The following ERCC6L2 variants were observed in gnomAD, a reference collection of about 807,000 sequenced individuals.
ERCC6L2 encodes ERCC excision repair 6 like 2.
Under a neutral mutation model 132.0 loss-of-function variants are expected in ERCC6L2, and 77 were observed. The observed-to-expected ratio is 0.58, with a 90% CI of 0.49 to 0.71. The LOEUF is 0.71. Among genes scored for constraint, ERCC6L2 ranks in the 30% least tolerant of loss-of-function variants. The probability of loss-of-function intolerance (pLI) is 0.00; values close to 1 mark genes in which losing one functional copy is unlikely to be tolerated. For synonymous variants in ERCC6L2, 583 were observed against 632.4 expected (o/e 0.92, Z 1.17); for missense variants, 1,542 against 1,837.6 (o/e 0.84, Z 2.94).
In ERCC6L2 at chr9:95,972,613, A is replaced by C. The variant is rs780024425; in HGVS notation, c.2862A>C (p.Gly954=). ...NSRNTDDKRN[G]IISKKLSPEN... ...GAAACACTGATGACAAAAGAAATGG[A>C]ATAATTTCAAAAAAGTTAAGTCCTG... The change falls in exon 16 of 19, where the codon GGA becomes GGC. Residue 954 remains glycine (G), a synonymous_variant. Coordinates refer to ENST00000653738, the MANE Select transcript of ERCC6L2 (RefSeq NM_020207.7). The C allele has an allele frequency of 1.6e-6, 2 of 1,290,222 alleles. No homozygotes were observed. The highest frequency in any genetic ancestry group is 2.5e-5 in the South Asian group (2 of 80,762). The allele number at this position is 1,290,222 out of a possible 1,614,324, so 79.9% of individuals were successfully genotyped here. A position where few individuals can be genotyped will look rare whatever the true frequency, so the allele number is the denominator to read the frequency against.
At chr9:95,895,172 T>C (rs1828386629) in intron 2 of ERCC6L2, among the ~76,000 whole-genome samples, 1 of 152,218 alleles carries the variant, frequency 6.6e-6, no homozygotes, top group Admixed American at 6.5e-5. Flanking sequence ...TTATTATCAA[T>C]ATTAAGTTAA....
intron 19 of ERCC6L2, among the ~76,000 whole-genome samples, chr9:96,032,103 C>G (rs1834466930): frequency 6.6e-6 from 1 of 152,158 alleles, no homozygotes. Context: ...TCAAAGCTTC[C>G]AGGCTGTGGC....
At chr9:95,880,785 A>C in intron 1 of ERCC6L2, 84 bp from the exon 2 acceptor site, 1 of 1,210,468 alleles carries the variant, frequency 8.3e-7, no homozygotes, top group Non-Finnish European at 1.2e-6. Context: ...TATGTGAGGT[A>C]TATATTGTTT....
chr9:95,886,828 A>G (rs1827893670), intron 2 of ERCC6L2, among the ~76,000 whole-genome samples: 1 of 152,170 alleles, frequency 6.6e-6, no homozygotes, highest in African/African-American at 2.4e-5. Context: ...CCCATCCTTA[A>G]TCTGGCAGGC....
chr9:95,909,744 A>G (rs1829254814), intron 4 of ERCC6L2, among the ~76,000 whole-genome samples: 1 of 152,176 alleles, frequency 6.6e-6, no homozygotes, highest in Admixed American at 6.5e-5. Flanking sequence ...ATTATTATAG[A>G]TAAAACTTCA....
At position 96,025,106 on chromosome 9, in the gene ERCC6L2, T is replaced by C. The variant is rs557748071; in HGVS notation, c.*1504-13770T>C. Among the ~76,000 whole-genome samples, 10 of 152,336 alleles carry C rather than the reference T, an allele frequency of 6.6e-5. No individual in the cohort carries two copies. The East Asian group carries it at 1.9e-3, about 29-fold the overall frequency. ...TTAGGTCTTCTAGAGAAATTTGTCA[T>C]ATCTAGTAGAACTCTTTTGTTGAAA... On this transcript the variant is annotated intron_variant and NMD_transcript_variant, in intron 19 of 20. Coordinates refer to the ERCC6L2 transcript ENST00000670016.
intron 14 of ERCC6L2, chr9:95,968,352 C>A (rs1441156248): frequency 6.6e-6 from 1 of 152,062 alleles, no homozygotes; most frequent in Non-Finnish European, 1.5e-5. Context: ...GCCATCCATG[C>A]CCTACATTTG....
intron 19 of ERCC6L2, among the ~76,000 whole-genome samples, chr9:96,032,020 G>A (rs979278829): frequency 6.6e-6 from 1 of 152,208 alleles, no homozygotes. Context: ...CACGTCATGA[G>A]TCACTGGCAT....
intron 12 of ERCC6L2, among the ~76,000 whole-genome samples, chr9:95,945,403 G>A (rs1389013272): frequency 6.6e-6 from 1 of 152,120 alleles, no homozygotes; most frequent in Non-Finnish European, 1.5e-5. Context: ...AAACACACAT[G>A]CTGTACAAAC....
intron 17 of ERCC6L2, among the ~76,000 whole-genome samples, chr9:95,986,197 A>G (rs1833087461): frequency 6.6e-6 from 1 of 152,200 alleles, no homozygotes. Flanking sequence ...CATATGTACA[A>G]CATGCTTTTG....
intron 6 of ERCC6L2, chr9:95,918,233 T>C: frequency 2.2e-6 from 1 of 448,636 alleles, no homozygotes; most frequent in South Asian, 1.8e-5. Flanking sequence ...GAGATTAAGG[T>C]CACCATTGCA....
chr9:95,888,256 C>G (rs1827982123), intron 2 of ERCC6L2, among the ~76,000 whole-genome samples: 1 of 151,980 alleles, frequency 6.6e-6, no homozygotes, highest in African/African-American at 2.4e-5. Context: ...GGTTTATGCC[C>G]TTTTTCCCAG....
chr9:95,979,797 C>T (rs1289602311), intron 17 of ERCC6L2, among the ~76,000 whole-genome samples: 1 of 152,040 alleles, frequency 6.6e-6, no homozygotes, highest in African/African-American at 2.4e-5. Context: ...AAAAGACAGG[C>T]GGAATTATGT....
At chr9:95,938,035 T>C (rs1830634175) in intron 11 of ERCC6L2, among the ~76,000 whole-genome samples, 1 of 151,996 alleles carries the variant, frequency 6.6e-6, no homozygotes, top group Admixed American at 6.6e-5. Context: ...TATTTCTCCT[T>C]GTATTTTTTT....
downstream of ERCC6L2, among the ~76,000 whole-genome samples, chr9:96,019,347 C>A (rs1045935451): frequency 2.0e-5 from 3 of 152,150 alleles, no homozygotes; most frequent in African/African-American, 7.2e-5. Context: ...CCCCAGCCCC[C>A]TCTGCTTGCC....
intron 12 of ERCC6L2, among the ~76,000 whole-genome samples, chr9:95,942,228 G>A (rs924655647): frequency 6.6e-6 from 1 of 152,112 alleles, no homozygotes; most frequent in Non-Finnish European, 1.5e-5. Context: ...ACATGAAAAA[G>A]GGAAATACAC....
At chr9:95,908,288 G>T (rs930479150) in intron 4 of ERCC6L2, among the ~76,000 whole-genome samples, 1 of 152,062 alleles carries the variant, frequency 6.6e-6, no homozygotes, top group Admixed American at 6.5e-5. Flanking sequence ...AGGCTGATTG[G>T]GTGGGGCCTG....
In ERCC6L2 at chr9:95,972,175, T is replaced by C; in HGVS notation, c.2424T>C (p.Asp808=). 7.7e-7 allele frequency: 1 copy of C among 1,304,240 alleles called. No homozygotes were observed. Among genetic ancestry groups the C allele is most frequent in the Non-Finnish European group, 1.0e-6 (1 of 988,946 alleles). The allele number at this position is 1,304,240 out of a possible 1,614,324, so 80.8% of individuals were successfully genotyped here. The stretch of plus-strand genomic sequence containing the variant: ...AAACAAAATGTAAAGCAGTTGAGGA[T>C]AGTGATGGAAATACTGCCTCTGATG... ...LLETKCKAVE[D]SDGNTASDDE... is the part of the protein sequence containing the mutation. The change falls in exon 16 of 19, where the codon GAT becomes GAC. Residue 808 remains aspartate, a synonymous_variant. Transcript: ENST00000653738.
At position 96,012,643 on chromosome 9, in the gene ERCC6L2, C is replaced by G. The variant is rs139274415; in HGVS notation, c.4093C>G (p.Gln1365Glu). The G allele has an allele frequency of 3.1e-5, 42 of 1,367,414 alleles. No homozygotes were observed. The highest frequency in any genetic ancestry group is 3.9e-5 in the Non-Finnish European group (40 of 1,021,822). The allele number at this position is 1,367,414 out of a possible 1,614,324, so 84.7% of individuals were successfully genotyped here. Residue 1365 changes from glutamine (Q) to glutamate (E), a missense_variant, in exon 19 of 19, where the codon CAA becomes GAA. By Grantham distance (29) the Gln-to-Glu change is conservative. Around this residue, in one of 4 missense-constraint regions of ERCC6L2, gnomAD observed 442 missense variants for 583.4 expected, o/e 0.76. Transcript: ENST00000653738. ...TAAGAAATCACCTGTTAGTTCTACT[C>G]AAGAGATTGACAGTGGGAAAAACAG... Reference protein sequence around the residue: ...ETKKSPVSSTQEIDSGKNSQA... With the variant: ...ETKKSPVSSTEEIDSGKNSQA...
Sources: gnomAD v4.1 joint callset for allele counts (sites outside exome capture counted in the v4.1 genomes callset) on GRCh38, gnomAD v4.1.1 for gene constraint, gnomAD v4.1.1 regional missense constraint, MANE v1.5 for transcripts, NCBI Gene and HGNC (gene_info 2026-07-23, HGNC 2026-07-21) for gene names.